IGSF10: variants seen among roughly 807,000 people sequenced by gnomAD.
IGSF10 encodes the protein calvaria mechanical force protein 608.
In IGSF10, 126 loss-of-function variants were observed where a neutral mutation model predicts 128.2. That is an observed-to-expected ratio of 0.98 (90% CI 0.85 to 1.14). The LOEUF is 1.14. Among genes scored for constraint, IGSF10 ranks in the 50% most tolerant of loss-of-function variants. The probability of loss-of-function intolerance (pLI) is 0.00; values close to 1 mark genes in which losing one functional copy is unlikely to be tolerated. For missense variants in IGSF10, 3,295 were observed against 3,149.8 expected (o/e 1.05, Z -1.10); for synonymous variants, 1,185 against 1,146.2 (o/e 1.03, Z -0.68).
chr3:151,563,417 T>C, the IGSF10 span, among the ~76,000 whole-genome samples: 1 of 152,174 alleles, frequency 6.6e-6, no homozygotes, highest in Non-Finnish European at 1.5e-5. Context: ...AAATCCTGAA[T>C]CTAATAAAAA....
chr3:151,590,857 G>A, the IGSF10 span, among the ~76,000 whole-genome samples: 1 of 152,206 alleles, frequency 6.6e-6, no homozygotes, highest in African/African-American at 2.4e-5. Context: ...TAAGAATATT[G>A]TGGTAAATTT....
the IGSF10 span, among the ~76,000 whole-genome samples, chr3:151,486,391 G>A: frequency 3.3e-5 from 5 of 152,154 alleles, no homozygotes; most frequent in African/African-American, 1.2e-4. Context: ...ACACCCCACT[G>A]TCAATATTAG....
chr3:151,601,818 T>G, the IGSF10 span, among the ~76,000 whole-genome samples: 1 of 152,194 alleles, frequency 6.6e-6, no homozygotes, highest in Non-Finnish European at 1.5e-5. Flanking sequence ...ATTCTGTGCT[T>G]ATATGAGTAG....
chr3:151,454,596 T>TA (rs1721687438), intron 4 of IGSF10, among the ~76,000 whole-genome samples: 1 of 151,670 alleles, frequency 6.6e-6, no homozygotes, highest in Admixed American at 6.6e-5. Context: ...GTTTTTTTTT[T>TA]AAGTCTTAGT....
At chr3:151,522,770 C>T in the IGSF10 span, among the ~76,000 whole-genome samples, 1 of 152,146 alleles carries the variant, frequency 6.6e-6, no homozygotes, top group Non-Finnish European at 1.5e-5. Flanking sequence ...CCCTTGAAAA[C>T]TGGCACAAGA....
chr3:151,452,446 G>T (rs993852340), intron 5 of IGSF10, among the ~76,000 whole-genome samples: 5 of 152,106 alleles, frequency 3.3e-5, no homozygotes, highest in Non-Finnish European at 7.4e-5. Flanking sequence ...CTTAGAAAAG[G>T]TAACATATTG....
chr3:151,513,312 T>C, the IGSF10 span, among the ~76,000 whole-genome samples: 3 of 147,528 alleles, frequency 2.0e-5, no homozygotes, highest in East Asian at 2.1e-4. Context: ...TGGTTCAACA[T>C]ACAAAAAAAA....
At chr3:151,593,179 A>G in the IGSF10 span, among the ~76,000 whole-genome samples, 1 of 152,150 alleles carries the variant, frequency 6.6e-6, no homozygotes, top group Admixed American at 6.5e-5. Context: ...CATCCAGGCT[A>G]GAGTGTAGGG....
downstream of IGSF10, chr3:151,434,753 T>TTTGTAGCTCA (rs1719908782): frequency 6.6e-6 from 1 of 152,238 alleles, no homozygotes; most frequent in Admixed American, 6.5e-5. Flanking sequence ...AACCATATAT[T>TTTGTAGCTCA]TTGTAGCTCA....
At chr3:151,619,845 G>T in the IGSF10 span, among the ~76,000 whole-genome samples, 3 of 152,150 alleles carry the variant, frequency 2.0e-5, no homozygotes, top group Admixed American at 2.0e-4. Flanking sequence ...ACAGGAGTGG[G>T]TGAGTTATGA....
the IGSF10 span, among the ~76,000 whole-genome samples, chr3:151,529,326 C>T: frequency 1.3e-5 from 2 of 152,174 alleles, no homozygotes; most frequent in Non-Finnish European, 2.9e-5. Flanking sequence ...AGGAGAGCAG[C>T]GGATCTCCCA....
At position 151,438,159 on chromosome 3, in the gene IGSF10, T is replaced by G; in HGVS notation, c.6402A>C (p.Leu2134Phe). The G allele has an allele frequency of 1.9e-6, 3 of 1,614,218 alleles. No individual in the cohort carries two copies. Among genetic ancestry groups the G allele is most frequent in the Non-Finnish European group, 2.5e-6 (3 of 1,180,024 alleles). Reference protein sequence around the residue: ...TLGKDEMKVHLTVITAAPRIR... With the variant: ...TLGKDEMKVHFTVITAAPRIR... The stretch of plus-strand genomic sequence containing the variant: ...TCCGGGGAGCAGCTGTTATAACTGT[T>G]AAGTGGACCTTCATTTCATCTTTCC... Residue 2134 changes from leucine (L) to phenylalanine (F), a missense_variant, in exon 8 of 8, where the codon TTA becomes TTC. Leu to Phe is a conservative substitution (Grantham distance 22). Coordinates refer to ENST00000282466, the MANE Select transcript of IGSF10 (RefSeq NM_178822.5).
chr3:151,564,914 C>A, the IGSF10 span, among the ~76,000 whole-genome samples: 4 of 152,138 alleles, frequency 2.6e-5, no homozygotes, highest in Non-Finnish European at 4.4e-5. Flanking sequence ...TGAATACATA[C>A]TAAGCACAAG....
At chr3:151,523,999 T>C in the IGSF10 span, among the ~76,000 whole-genome samples, 1 of 152,078 alleles carries the variant, frequency 6.6e-6, no homozygotes, top group Non-Finnish European at 1.5e-5. Flanking sequence ...GCAAAGGACA[T>C]GAACATTTTT....
chr3:151,603,733 C>T, the IGSF10 span, among the ~76,000 whole-genome samples: 1 of 152,188 alleles, frequency 6.6e-6, no homozygotes. Flanking sequence ...AGTCTGAAGG[C>T]CTGGGAGCCA....
At chr3:151,552,288 A>G in the IGSF10 span, among the ~76,000 whole-genome samples, 2 of 152,104 alleles carry the variant, frequency 1.3e-5, no homozygotes, top group Non-Finnish European at 2.9e-5. Flanking sequence ...TCTTTTCTTC[A>G]TAAATTATCC....
At chr3:151,542,427 T>C in the IGSF10 span, among the ~76,000 whole-genome samples, 9 of 152,166 alleles carry the variant, frequency 5.9e-5, no homozygotes, top group African/African-American at 2.2e-4. Context: ...AAGCAAGTCT[T>C]CCTCTCATTT....
intron 4 of IGSF10, among the ~76,000 whole-genome samples, chr3:151,454,078 T>C (rs1721659278): frequency 1.3e-5 from 2 of 151,560 alleles, no homozygotes; most frequent in Admixed American, 1.3e-4. Context: ...AGTGCAGTGT[T>C]GTGATCTCTG....
the IGSF10 span, among the ~76,000 whole-genome samples, chr3:151,558,837 G>A: frequency 6.6e-6 from 1 of 152,074 alleles, no homozygotes; most frequent in African/African-American, 2.4e-5. Context: ...GCCAGAATGA[G>A]TCTGTTAGGA....
Sources: gnomAD v4.1 joint callset for allele counts (sites outside exome capture counted in the v4.1 genomes callset) on GRCh38, gnomAD v4.1.1 for gene constraint, MANE v1.5 for transcripts, NCBI Gene and HGNC (gene_info 2026-07-23, HGNC 2026-07-21) for gene names.